Variants in CECR2 observed in about 807,000 individuals in gnomAD.
The protein encoded by CECR2 is chromatin remodeling regulator CECR2.
A neutral mutation model predicts 154.5 loss-of-function variants in CECR2; 30 were observed. The ratio of observed to expected loss-of-function variants is 0.19; its 90% CI spans 0.15 to 0.26. CECR2 has a LOEUF of 0.26. Among genes scored for constraint, CECR2 ranks in the 10% least tolerant of loss-of-function variants. The pLI is 1.00. For missense variants in CECR2, 1,743 were observed against 1,829.3 expected (o/e 0.95, Z 0.86); for synonymous variants, 725 against 683.7 (o/e 1.06, Z -0.94).
At chr22:17,483,186 T>G (rs2055359556) in intron 2 of CECR2, among the ~76,000 whole-genome samples, 1 of 152,226 alleles carries the variant, frequency 6.6e-6, no homozygotes, top group South Asian at 2.1e-4. Context: ...ATGTGTGTGT[T>G]TTTGTCTTCC....
In CECR2 at chr22:17,383,485, C is replaced by G. The variant is rs1471212358; in HGVS notation, c.126+13576C>G. 3.3e-5 allele frequency among the ~76,000 whole-genome samples: 5 copies of G among 152,260 alleles called. No homozygotes were observed. The East Asian group carries it at 9.6e-4, about 29-fold the overall frequency. ...ATTTGAACAATGTTGACAGCATCTTCACCAGGAATAATACATTGTGCCTCA... is the reference window on the plus strand; with the variant it reads ...ATTTGAACAATGTTGACAGCATCTTGACCAGGAATAATACATTGTGCCTCA... On this transcript the variant is annotated intron_variant, in intron 1 of 18. Coordinates refer to ENST00000262608, the MANE Select transcript of CECR2 (RefSeq NM_001290047.2).
chr22:17,398,203 T>TGG (rs34625113), intron 1 of CECR2, among the ~76,000 whole-genome samples: 53 of 148,688 alleles, frequency 3.6e-4, no homozygotes, highest in Admixed American at 8.8e-4. Context: ...TATAACAAAG[T>TGG]GGGGGGGGGT....
At chr22:17,493,971 G>A (rs78441321) in intron 2 of CECR2, among the ~76,000 whole-genome samples, 3 of 152,128 alleles carry the variant, frequency 2.0e-5, no homozygotes, top group Non-Finnish European at 2.9e-5. Flanking sequence ...GTGGAACTTG[G>A]TGTACATTAG....
chr22:17,457,364 T>C (rs957372209), intron 1 of CECR2, among the ~76,000 whole-genome samples: 1 of 152,220 alleles, frequency 6.6e-6, no homozygotes, highest in Non-Finnish European at 1.5e-5. Flanking sequence ...TGTCTAGGCC[T>C]TTCTGAACTA....
In CECR2 at chr22:17,540,551, T is replaced by A; in HGVS notation, c.1635T>A (p.Ala545=). The A allele has an allele frequency of 1.9e-6, 3 of 1,612,672 alleles. No individual in the cohort carries two copies. Among genetic ancestry groups the A allele is most frequent in the Non-Finnish European group, 2.5e-6 (3 of 1,179,060 alleles). Residue 545 remains alanine (A), a synonymous_variant, in exon 14 of 19, where the codon GCT becomes GCA. Transcript: ENST00000262608. The part of the protein sequence containing the change: ...DEKREKRRSR[A]GRSGGSHVWT... ...AGCGGGAGAAAAGACGGAGTCGGGC[T>A]GGGCGAAGTGGTGGGAGCCATGTTT... is the stretch of plus-strand genomic sequence containing the variant.
At chr22:17,396,586 A>G (rs962184972) in intron 1 of CECR2, among the ~76,000 whole-genome samples, 2 of 152,220 alleles carry the variant, frequency 1.3e-5, no homozygotes, top group African/African-American at 4.8e-5. Context: ...TTAAAAGGAA[A>G]TTTTATGTAG....
At chr22:17,449,167 C>A (rs1171071754) in intron 1 of CECR2, among the ~76,000 whole-genome samples, 4 of 152,146 alleles carry the variant, frequency 2.6e-5, no homozygotes, top group Admixed American at 2.6e-4. Flanking sequence ...GTGTGAACCA[C>A]CACGTCCCAC....
intron 1 of CECR2, among the ~76,000 whole-genome samples, chr22:17,440,282 T>G (rs1329411665): frequency 6.6e-6 from 1 of 152,096 alleles, no homozygotes; most frequent in Non-Finnish European, 1.5e-5. Context: ...AAAATAGTCA[T>G]TAGTCATTCA....
intron 1 of CECR2, among the ~76,000 whole-genome samples, chr22:17,454,076 T>C (rs1045230015): frequency 3.3e-5 from 5 of 152,188 alleles, no homozygotes; most frequent in Non-Finnish European, 7.3e-5. Context: ...ACCTTATTTG[T>C]AAAATGGACC....
chr22:17,520,223 A>G (rs2056133172), intron 8 of CECR2, among the ~76,000 whole-genome samples: 1 of 152,232 alleles, frequency 6.6e-6, no homozygotes, highest in East Asian at 1.9e-4. Flanking sequence ...TCACAGGTTT[A>G]CACCTATTGT....
At chr22:17,514,382 G>A (rs2056014172) in intron 8 of CECR2, among the ~76,000 whole-genome samples, 1 of 152,098 alleles carries the variant, frequency 6.6e-6, no homozygotes, top group South Asian at 2.1e-4. Context: ...CTTAAACCAG[G>A]GGTTCTGTTG....
chr22:17,471,542 TTTGA>T (rs1475558521), intron 1 of CECR2, among the ~76,000 whole-genome samples: 4 of 148,164 alleles, frequency 2.7e-5, no homozygotes, highest in Non-Finnish European at 5.9e-5. Flanking sequence ...TGTTTGTTTG[TTTGA>T]TTGTTTCTGA....
At chr22:17,370,165 C>T (rs1305501694) in intron 1 of CECR2, among the ~76,000 whole-genome samples, 1 of 150,790 alleles carries the variant, frequency 6.6e-6, no homozygotes, top group African/African-American at 2.4e-5. Flanking sequence ...CGGGGCGGGC[C>T]CGTGCTTTTG....
intron 1 of CECR2, among the ~76,000 whole-genome samples, chr22:17,446,848 T>C (rs1432951383): frequency 6.6e-6 from 1 of 152,060 alleles, no homozygotes; most frequent in Admixed American, 6.5e-5. Context: ...GTGGCCAGCT[T>C]TATTCCCTTA....
chr22:17,537,172 C>T lies in CECR2; in HGVS notation c.1178C>T (p.Pro393Leu). ...CTGGCTCAAGGAAAGGAGCTCCCTCCAGAACTTTCCCATCTGGACCCCAAT... is the reference window on the plus strand; with the variant it reads ...CTGGCTCAAGGAAAGGAGCTCCCTCTAGAACTTTCCCATCTGGACCCCAAT... ...WLLAQGKELP[P>L]ELSHLDPNSP... The change falls in exon 10 of 19, where the codon CCA becomes CTA. Residue 393 changes from proline (P) to leucine (L), a missense_variant. Coordinates refer to ENST00000262608, the MANE Select transcript of CECR2 (RefSeq NM_001290047.2). 6.2e-7 allele frequency: 1 copy of T among 1,613,932 alleles called. No individual in the cohort carries two copies. The highest frequency in any genetic ancestry group is 8.5e-7 in the Non-Finnish European group (1 of 1,179,854).
intron 1 of CECR2, among the ~76,000 whole-genome samples, chr22:17,457,315 C>A (rs1176892823): frequency 4.6e-5 from 7 of 152,264 alleles, no homozygotes; most frequent in African/African-American, 9.6e-5. Context: ...GCGTGAGCCA[C>A]TGCGCCTGGC....
chr22:17,366,481 C>A (rs866197516), upstream of CECR2, among the ~76,000 whole-genome samples: 1 of 152,136 alleles, frequency 6.6e-6, no homozygotes, highest in Non-Finnish European at 1.5e-5. Flanking sequence ...CCTACCGCCC[C>A]GGCAAACTGT....
At chr22:17,508,544 C>T (rs889045744) in intron 7 of CECR2, among the ~76,000 whole-genome samples, 6 of 151,900 alleles carry the variant, frequency 3.9e-5, no homozygotes, top group Non-Finnish European at 8.8e-5. Flanking sequence ...GGTGTGTAGT[C>T]GGCCCTACCA....
chr22:17,433,865 T>TGG (rs2054464061), intron 1 of CECR2, among the ~76,000 whole-genome samples: 1 of 152,182 alleles, frequency 6.6e-6, no homozygotes, highest in Non-Finnish European at 1.5e-5. Flanking sequence ...TTAGCTATTA[T>TGG]GATGGTTTTT....
Sources: allele counts gnomAD v4.1 joint callset (sites outside exome capture counted in the v4.1 genomes callset), GRCh38; gene constraint gnomAD v4.1.1; transcripts MANE v1.5; gene names NCBI Gene and HGNC (gene_info 2026-07-23, HGNC 2026-07-21).